The following CHLSN variants were observed in gnomAD, a reference collection of about 807,000 sequenced individuals.
CHLSN encodes cholesin.
At chr7:1,083,101 C>A in the CHLSN span, among the ~76,000 whole-genome samples, 1 of 152,046 alleles carries the variant, frequency 6.6e-6, no homozygotes, top group East Asian at 1.9e-4. Flanking sequence ...CCACCCTGCC[C>A]ACTCTTCTGT....
At chr7:1,070,987 C>T in the CHLSN span, among the ~76,000 whole-genome samples, 1 of 150,514 alleles carries the variant, frequency 6.6e-6, no homozygotes, top group Non-Finnish European at 1.5e-5. Context: ...TGCACACGGG[C>T]ACACACACAC....
chr7:1,136,349 T>TAA, the CHLSN span, among the ~76,000 whole-genome samples: 4 of 47,456 alleles, frequency 8.4e-5, no homozygotes, highest in African/African-American at 3.8e-4. Flanking sequence ...AACATATAAA[T>TAA]ATATATAAAC....
chr7:1,138,237 T>C, the CHLSN span: 55 of 152,248 alleles, frequency 3.6e-4, no homozygotes, highest in African/African-American at 1.2e-3. Context: ...AACAGCTGCG[T>C]CGCGGACGCC....
At chr7:1,103,262 A>G in the CHLSN span, among the ~76,000 whole-genome samples, 2 of 152,240 alleles carry the variant, frequency 1.3e-5, no homozygotes, top group Non-Finnish European at 2.9e-5. Flanking sequence ...ATGCTGGGCA[A>G]GGACGAAAGC....
the CHLSN span, among the ~76,000 whole-genome samples, chr7:1,047,153 G>A: frequency 6.6e-6 from 1 of 152,234 alleles, no homozygotes; most frequent in Non-Finnish European, 1.5e-5. Context: ...ACAAAAGAAT[G>A]CTGTTCCACC....
the CHLSN span, among the ~76,000 whole-genome samples, chr7:1,086,159 G>A: frequency 6.6e-6 from 1 of 152,248 alleles, no homozygotes; most frequent in Non-Finnish European, 1.5e-5. Flanking sequence ...TGGAGAGCTT[G>A]GGAGCTGAGC....
At chr7:1,000,419 G>A in the CHLSN span, 38 of 1,143,628 alleles carry the variant, frequency 3.3e-5, no homozygotes, top group Non-Finnish European at 4.1e-5. Context: ...CTGCCCCGCC[G>A]TGCACAGACC....
At chr7:1,135,890 AAT>A in the CHLSN span, among the ~76,000 whole-genome samples, 1 of 103,202 alleles carries the variant, frequency 9.7e-6, no homozygotes, top group South Asian at 2.5e-4. Context: ...TGAATATATA[AAT>A]ATATAAGTAT....
the CHLSN span, chr7:1,137,426 A>G: frequency 6.6e-6 from 1 of 152,244 alleles, no homozygotes; most frequent in South Asian, 2.1e-4. Context: ...TGCCCCGAAC[A>G]GTGCAGGAGG....
At chr7:1,124,330 G>T in the CHLSN span, among the ~76,000 whole-genome samples, 1 of 151,570 alleles carries the variant, frequency 6.6e-6, no homozygotes, top group Non-Finnish European at 1.5e-5. Flanking sequence ...GCTGGAGGAG[G>T]GTTCACCAAG....
the CHLSN span, among the ~76,000 whole-genome samples, chr7:1,034,445 C>G: frequency 6.6e-6 from 1 of 151,646 alleles, no homozygotes; most frequent in South Asian, 2.1e-4. Flanking sequence ...TATGGAAAAG[C>G]AAAGTAACAA....
the CHLSN span, among the ~76,000 whole-genome samples, chr7:1,030,100 G>A: frequency 6.6e-6 from 1 of 152,182 alleles, no homozygotes; most frequent in Non-Finnish European, 1.5e-5. Flanking sequence ...CTGAGCCCCA[G>A]TGGCCTTGTG....
the CHLSN span, chr7:1,045,373 A>G: frequency 6.6e-6 from 1 of 152,262 alleles, no homozygotes; most frequent in East Asian, 1.9e-4. Flanking sequence ...GATGTACTTG[A>G]GTCCTCCATT....
chr7:1,015,975 G>T, the CHLSN span, among the ~76,000 whole-genome samples: 3 of 152,118 alleles, frequency 2.0e-5, 1 homozygote, highest in Non-Finnish European at 4.4e-5. Context: ...GTCTGTCTGG[G>T]CAGGACCATC....
chr7:987,125 C>CT, the CHLSN span: 1 of 1,565,522 alleles, frequency 6.4e-7, no homozygotes, highest in Non-Finnish European at 8.7e-7. Flanking sequence ...CCCCGAGGGC[C>CT]TGTTTGCTGA....
At chr7:1,010,148 A>C in the CHLSN span, 1 of 1,607,214 alleles carries the variant, frequency 6.2e-7, no homozygotes. Flanking sequence ...TTCGCCCTGA[A>C]AGTCAAGGAA....
chr7:1,073,349 G>A, the CHLSN span, among the ~76,000 whole-genome samples: 3 of 152,084 alleles, frequency 2.0e-5, no homozygotes, highest in African/African-American at 4.8e-5. Flanking sequence ...CTCCCGTTTC[G>A]GAGACAAGTG....
chr7:994,460 G>A, the CHLSN span, among the ~76,000 whole-genome samples: 1 of 151,864 alleles, frequency 6.6e-6, no homozygotes. Context: ...TAAATTTAGT[G>A]CTCACCGCAC....
chr7:1,003,311 GT>G, the CHLSN span, among the ~76,000 whole-genome samples: 2 of 56,356 alleles, frequency 3.5e-5, no homozygotes. Context: ...CTGTGGGTGA[GT>G]GGAGTCCTGT....
Sources: gnomAD v4.1 joint callset for allele counts (sites outside exome capture counted in the v4.1 genomes callset) on GRCh38, gnomAD v4.1.1 for gene constraint, MANE v1.5 for transcripts, NCBI Gene and HGNC (gene_info 2026-07-23, HGNC 2026-07-21) for gene names.